Variants in SCFD2 observed in about 807,000 individuals in gnomAD.
SCFD2 encodes the protein sec1 family domain containing 2, also known as sec1 family domain-containing protein 2.
SCFD2 carries 54 observed loss-of-function variants against 58.9 expected under a neutral mutation model. The observed-to-expected ratio is 0.92, with a 90% CI of 0.74 to 1.15. The LOEUF is 1.15. SCFD2 is among the 50% of genes most tolerant of loss of function. The pLI is 0.00. For synonymous variants in SCFD2, 321 were observed against 335.9 expected (o/e 0.96, Z 0.49); for missense variants, 805 against 836.6 (o/e 0.96, Z 0.47).
chr4:53,252,932 A>G (rs1730452394), intron 4 of SCFD2, among the ~76,000 whole-genome samples: 1 of 152,190 alleles, frequency 6.6e-6, no homozygotes, highest in Non-Finnish European at 1.5e-5. Context: ...AAAAGAAACT[A>G]CCATCAGAGT....
chr4:53,170,277 A>T (rs535404044), intron 4 of SCFD2, among the ~76,000 whole-genome samples: 22 of 152,316 alleles, frequency 1.4e-4, no homozygotes, highest in African/African-American at 5.1e-4. Context: ...AGCACCTTTA[A>T]TTGAAGACAC....
chr4:53,255,613 T>C (rs2149046219), intron 4 of SCFD2, among the ~76,000 whole-genome samples: 1 of 152,314 alleles, frequency 6.6e-6, no homozygotes, highest in South Asian at 2.1e-4. Context: ...TGTCTACTTC[T>C]TTCTACACAG....
chr4:53,126,479 C>A (rs755170571), intron 5 of SCFD2, among the ~76,000 whole-genome samples: 2 of 152,168 alleles, frequency 1.3e-5, no homozygotes, highest in Non-Finnish European at 2.9e-5. Context: ...CCATGCCCAG[C>A]TAATTTTTGT....
chr4:53,039,791 A>C (rs1722850736), intron 5 of SCFD2, among the ~76,000 whole-genome samples: 1 of 152,178 alleles, frequency 6.6e-6, no homozygotes, highest in Admixed American at 6.6e-5. Flanking sequence ...GTTGGAGCTC[A>C]GTGACATTGT....
At chr4:53,029,498 G>A (rs17082314) in intron 5 of SCFD2, among the ~76,000 whole-genome samples, 41 of 152,192 alleles carry the variant, frequency 2.7e-4, no homozygotes, top group African/African-American at 9.2e-4. Context: ...TAAACAATTC[G>A]AGTTTCTATA....
intron 2 of SCFD2, among the ~76,000 whole-genome samples, chr4:53,328,182 G>A (rs1733275961): frequency 6.7e-6 from 1 of 149,662 alleles, no homozygotes; most frequent in Non-Finnish European, 1.5e-5. Context: ...AAATACATGT[G>A]CACATGTATG....
At chr4:53,204,466 T>A (rs1728347916) in intron 4 of SCFD2, among the ~76,000 whole-genome samples, 1 of 145,806 alleles carries the variant, frequency 6.9e-6, no homozygotes, top group African/African-American at 2.6e-5. Context: ...TGAGCAAAAA[T>A]AAAAATTCAA....
chr4:53,077,031 T>C (rs1021750227), intron 5 of SCFD2, among the ~76,000 whole-genome samples: 3 of 152,218 alleles, frequency 2.0e-5, no homozygotes, highest in Non-Finnish European at 4.4e-5. Context: ...GGTATCATCA[T>C]AGAACTTGCA....
At chr4:53,323,780 G>A (rs1160794137) in intron 2 of SCFD2, among the ~76,000 whole-genome samples, 4 of 151,818 alleles carry the variant, frequency 2.6e-5, no homozygotes, top group African/African-American at 9.7e-5. Flanking sequence ...TGTGTGTATT[G>A]TGTGACAAAA....
At chr4:53,064,117 A>G (rs1723590142) in intron 5 of SCFD2, among the ~76,000 whole-genome samples, 1 of 151,784 alleles carries the variant, frequency 6.6e-6, no homozygotes, top group Non-Finnish European at 1.5e-5. Flanking sequence ...TTTTTAATTT[A>G]TCTTTTATTT....
At chr4:52,911,465 T>C (rs531818884) in intron 6 of SCFD2, among the ~76,000 whole-genome samples, 7 of 152,342 alleles carry the variant, frequency 4.6e-5, no homozygotes, top group Admixed American at 3.3e-4. Context: ...CTTGAGACTT[T>C]GTGATTGTTC....
chr4:53,037,080 T>C (rs559322878), intron 5 of SCFD2, among the ~76,000 whole-genome samples: 25 of 152,226 alleles, frequency 1.6e-4, no homozygotes, highest in African/African-American at 5.8e-4. Context: ...CTTTAAAAAG[T>C]GAATATCCCT....
intron 5 of SCFD2, among the ~76,000 whole-genome samples, chr4:52,975,616 A>C (rs562380465): frequency 1.3e-5 from 2 of 152,296 alleles, no homozygotes; most frequent in East Asian, 3.9e-4. Flanking sequence ...TCAGTGTGGC[A>C]ATTCCTCAGG....
intron 4 of SCFD2, among the ~76,000 whole-genome samples, chr4:53,247,786 G>T (rs987321329): frequency 7.0e-6 from 1 of 142,652 alleles, no homozygotes; most frequent in African/African-American, 2.6e-5. Context: ...GCGTGAACCC[G>T]GGAAGCGGAG....
At chr4:53,175,508 G>A (rs1447719392) in intron 4 of SCFD2, among the ~76,000 whole-genome samples, 2 of 152,128 alleles carry the variant, frequency 1.3e-5, no homozygotes, top group Non-Finnish European at 2.9e-5. Flanking sequence ...ATTATAGACT[G>A]AAATTAGTTC....
At chr4:52,912,945 AT>A (rs1719519838) in intron 6 of SCFD2, among the ~76,000 whole-genome samples, 1 of 152,206 alleles carries the variant, frequency 6.6e-6, no homozygotes, top group Admixed American at 6.5e-5. Context: ...CAGAGGAGAG[AT>A]TAGCCATATA....
intron 5 of SCFD2, chr4:52,956,477 G>A (rs1422275481): frequency 1.5e-5 from 5 of 343,126 alleles, no homozygotes; most frequent in Non-Finnish European, 2.3e-5. Context: ...ACAGTGCAAC[G>A]AGGACTTGGA....
At chr4:53,185,102 C>T (rs1016466854) in intron 4 of SCFD2, among the ~76,000 whole-genome samples, 1 of 152,088 alleles carries the variant, frequency 6.6e-6, no homozygotes, top group Non-Finnish European at 1.5e-5. Flanking sequence ...ATTCAGGCTA[C>T]AGGGGCTGAC....
At chr4:53,230,070 AGATAC>A (rs1382347677) in intron 4 of SCFD2, among the ~76,000 whole-genome samples, 18 of 152,372 alleles carry the variant, frequency 1.2e-4, no homozygotes, top group African/African-American at 4.1e-4. Context: ...AACCACAATG[AGATAC>A]CATCTCACAC....
Sources: gnomAD v4.1 joint callset for allele counts (sites outside exome capture counted in the v4.1 genomes callset) on GRCh38, gnomAD v4.1.1 for gene constraint, MANE v1.5 for transcripts, NCBI Gene and HGNC (gene_info 2026-07-23, HGNC 2026-07-21) for gene names.